Variants in PIK3C2G observed in about 807,000 individuals in gnomAD.
PIK3C2G encodes the protein phosphatidylinositol-4-phosphate 3-kinase catalytic subunit type 2 gamma.
PIK3C2G carries 168 observed loss-of-function variants against 181.1 expected under a neutral mutation model. That is an observed-to-expected ratio of 0.93 (90% confidence interval 0.82 to 1.05). The LOEUF is 1.05. PIK3C2G is among the 50% of genes least tolerant of loss of function. The pLI is 0.00. For synonymous variants in PIK3C2G, 573 were observed against 592.2 expected (o/e 0.97, Z 0.47); for missense variants, 1,869 against 1,732.8 (o/e 1.08, Z -1.40).
chr12:18,697,690 T>G, the PIK3C2G span, among the ~76,000 whole-genome samples: 5 of 152,170 alleles, frequency 3.3e-5, no homozygotes, highest in African/African-American at 9.6e-5. Context: ...CTTTTGTATG[T>G]GTATAATTTT....
In PIK3C2G at chr12:18,563,550, A is replaced by G; in HGVS notation, c.3902+52A>G. Reference sequence around the variant, plus strand: ...TTGCCTTCAGTACTTGTCCTTGAGCAAAAAGAAAAATTATGGTTATGGGAT... The same window carrying G: ...TTGCCTTCAGTACTTGTCCTTGAGCGAAAAGAAAAATTATGGTTATGGGAT... On this transcript the variant is annotated intron_variant, in intron 28 of 32. Transcript: ENST00000538779. 11 of 1,564,996 alleles carry G rather than the reference A, an allele frequency of 7.0e-6. No individual in the cohort carries two copies. In the South Asian group the frequency reaches 9.1e-5, roughly 13 times the overall value.
chr12:18,319,712 G>A (rs903878880), intron 6 of PIK3C2G, among the ~76,000 whole-genome samples: 10 of 152,098 alleles, frequency 6.6e-5, no homozygotes, highest in Admixed American at 2.6e-4. Flanking sequence ...GAAGACAAGT[G>A]CCAAATATTA....
chr12:18,283,419 T>C (rs1949308957), intron 2 of PIK3C2G, among the ~76,000 whole-genome samples: 1 of 152,174 alleles, frequency 6.6e-6, no homozygotes, highest in Non-Finnish European at 1.5e-5. Flanking sequence ...TAATATTTAT[T>C]TCCGACTTAA....
Position 18,497,643 on chromosome 12 carries a change from A to G in PIK3C2G, c.2911A>G (p.Met971Val), listed in dbSNP as rs1012710546. 6 of 1,612,866 alleles carry G rather than the reference A, an allele frequency of 3.7e-6. No homozygotes were observed. The highest frequency in any genetic ancestry group is 5.1e-6 in the Non-Finnish European group (6 of 1,179,228). ...GGCTGGAGATGATCTTCGTCAGGAT[A>G]TGCTTGTTCTGCAGCTTATTCAAGT... ...FKAGDDLRQDMLVLQLIQVMD... is the reference protein window; with the variant it reads ...FKAGDDLRQDVLVLQLIQVMD... The change falls in exon 22 of 33, where the codon ATG becomes GTG. Residue 971 changes from methionine to valine, a missense_variant. Coordinates refer to ENST00000538779, the MANE Select transcript of PIK3C2G (RefSeq NM_001288772.2).
intron 18 of PIK3C2G, among the ~76,000 whole-genome samples, chr12:18,475,931 A>C (rs1286743858): frequency 6.6e-6 from 1 of 152,120 alleles, no homozygotes; most frequent in Admixed American, 6.6e-5. Flanking sequence ...AGTAGTATTT[A>C]ATTCATTTAT....
chr12:18,246,557 C>A (rs1339588653), upstream of PIK3C2G, among the ~76,000 whole-genome samples: 4 of 151,928 alleles, frequency 2.6e-5, no homozygotes, highest in African/African-American at 9.7e-5. Flanking sequence ...TTGGTGGCTC[C>A]AAGCAAGTTC....
At chr12:18,712,713 A>T in the PIK3C2G span, 1 of 1,127,150 alleles carries the variant, frequency 8.9e-7, no homozygotes, top group Non-Finnish European at 1.3e-6. Flanking sequence ...TTCACTGCCT[A>T]CTAATGGATC....
At chr12:18,514,391 C>T (rs1340101167) in intron 24 of PIK3C2G, among the ~76,000 whole-genome samples, 1 of 151,784 alleles carries the variant, frequency 6.6e-6, no homozygotes, top group East Asian at 1.9e-4. Flanking sequence ...TCCCTGAACA[C>T]AGGGTCTTTC....
At chr12:18,321,111 T>C in intron 7 of PIK3C2G, 79 bp downstream of exon 7, 2 of 772,426 alleles carry the variant, frequency 2.6e-6, no homozygotes, top group Non-Finnish European at 4.3e-6. Flanking sequence ...TTTCAGTTGA[T>C]TGTAAAAACT....
intron 11 of PIK3C2G, chr12:18,358,435 C>A (rs1940945633): frequency 5.2e-6 from 1 of 192,658 alleles, no homozygotes; most frequent in Non-Finnish European, 1.1e-5. Context: ...GTTCATCTCA[C>A]AGCAGCAGTG....
rs559308637 is a variant in PIK3C2G, at chr12:18,319,063, C to T, written c.1138-1899C>T. On this transcript the variant is annotated intron_variant, in intron 6 of 32. Coordinates refer to ENST00000538779, the MANE Select transcript of PIK3C2G (RefSeq NM_001288772.2). ...TCACACCATGGCACTCCAGCCTGAG[C>T]GACAGAGCAAGACTCTGTCTCAAAA... Among the ~76,000 whole-genome samples, 36 of 151,626 alleles carry T rather than the reference C, an allele frequency of 2.4e-4. No homozygotes were observed. The South Asian group carries it at 7.2e-3, about 30-fold the overall frequency.
At chr12:18,714,473 G>C in the PIK3C2G span, among the ~76,000 whole-genome samples, 1 of 152,190 alleles carries the variant, frequency 6.6e-6, no homozygotes, top group Admixed American at 6.5e-5. Context: ...TGTAAGAAGA[G>C]AAGTGGAAGG....
chr12:18,667,025 G>C, the PIK3C2G span, among the ~76,000 whole-genome samples: 2 of 152,162 alleles, frequency 1.3e-5, no homozygotes, highest in Non-Finnish European at 2.9e-5. Context: ...CAATAATGGT[G>C]TAGGCTATAT....
intron 32 of PIK3C2G, among the ~76,000 whole-genome samples, chr12:18,642,487 T>C (rs1949893005): frequency 6.6e-6 from 1 of 152,184 alleles, no homozygotes. Flanking sequence ...ATCAGACAGC[T>C]TGTCATTCCC....
chr12:18,458,193 A>G (rs1266316438), intron 18 of PIK3C2G, among the ~76,000 whole-genome samples: 1 of 152,160 alleles, frequency 6.6e-6, no homozygotes, highest in African/African-American at 2.4e-5. Context: ...AGGTCTTCCA[A>G]TTGCTTTTCA....
intron 26 of PIK3C2G, among the ~76,000 whole-genome samples, chr12:18,553,960 G>A (rs1355646572): frequency 6.6e-6 from 1 of 151,896 alleles, no homozygotes; most frequent in Non-Finnish European, 1.5e-5. Flanking sequence ...TCCTATCAAT[G>A]ATCCTGGGAA....
chr12:18,273,776 A>AATT (rs1948849203), intron 1 of PIK3C2G, among the ~76,000 whole-genome samples: 1 of 152,210 alleles, frequency 6.6e-6, no homozygotes, highest in Non-Finnish European at 1.5e-5. Flanking sequence ...ACCAAAAGCA[A>AATT]TGGCAACAAA....
the PIK3C2G span, among the ~76,000 whole-genome samples, chr12:18,677,361 T>C: frequency 1.3e-5 from 2 of 152,124 alleles, no homozygotes; most frequent in African/African-American, 2.4e-5. Flanking sequence ...CGGTAATGAA[T>C]AGAGGCAAGG....
intron 10 of PIK3C2G, among the ~76,000 whole-genome samples, chr12:18,344,745 A>T (rs1939502255): frequency 1.3e-5 from 2 of 152,108 alleles, no homozygotes; most frequent in African/African-American, 4.8e-5. Context: ...TTGCCTCTTT[A>T]TTTCATGGCA....
Sources: allele counts gnomAD v4.1 joint callset (sites outside exome capture counted in the v4.1 genomes callset), GRCh38; gene constraint gnomAD v4.1.1; transcripts MANE v1.5; gene names NCBI Gene and HGNC (gene_info 2026-07-23, HGNC 2026-07-21).